Variants in DLG2 observed in about 807,000 individuals in gnomAD.
DLG2 encodes discs large MAGUK scaffold protein 2, also known as disks large homolog 2.
A neutral mutation model predicts 132.5 loss-of-function variants in DLG2; 45 were observed. That is an observed-to-expected ratio of 0.34 (90% CI 0.27 to 0.44). The LOEUF is 0.44. Ranked by LOEUF, DLG2 falls within the 20% of genes least tolerant of loss-of-function variation. The pLI is 1.00. For synonymous variants in DLG2, 424 were observed against 419.6 expected, an observed-to-expected ratio of 1.01 and a Z score of -0.13; for missense variants, 1,045 against 1,196.9, an observed-to-expected ratio of 0.87 and a Z score of 1.87.
At chr11:83,718,404 G>C (rs2087321928) in intron 18 of DLG2, among the ~76,000 whole-genome samples, 1 of 151,864 alleles carries the variant, frequency 6.6e-6, no homozygotes, top group Non-Finnish European at 1.5e-5. Context: ...CGGGCATGAT[G>C]GTCCAGCTAC....
intron 3 of DLG2, among the ~76,000 whole-genome samples, chr11:85,501,772 G>T (rs1269193717): frequency 6.6e-6 from 1 of 152,164 alleles, no homozygotes; most frequent in Non-Finnish European, 1.5e-5. Flanking sequence ...GGAAACAACA[G>T]ATGCTGGAGA....
intron 11 of DLG2, among the ~76,000 whole-genome samples, chr11:83,984,864 C>A (rs118146707): frequency 0.021 from 3,165 of 152,104 alleles, 40 homozygotes; most frequent in Non-Finnish European, 0.033. Flanking sequence ...TTAGTTATTT[C>A]GAAATACACA....
chr11:83,980,793 TC>T (rs2154174114), intron 11 of DLG2, 151 bp from the exon 12 acceptor site: 1 of 795,046 alleles, frequency 1.3e-6, no homozygotes, highest in African/African-American at 1.8e-5. Context: ...TATTTCAATC[TC>T]GTTATTTAAA....
intron 6 of DLG2, among the ~76,000 whole-genome samples, chr11:84,965,623 C>G (rs1439520389): frequency 1.3e-5 from 2 of 152,020 alleles, no homozygotes; most frequent in Non-Finnish European, 2.9e-5. Context: ...AGCAACAAAA[C>G]CTTAAAAGGA....
chr11:85,158,936 A>C (rs1433699125), intron 4 of DLG2, among the ~76,000 whole-genome samples: 1 of 152,184 alleles, frequency 6.6e-6, no homozygotes, highest in Admixed American at 6.5e-5. Context: ...CCCTCAATCA[A>C]TTTCCACACT....
At position 84,423,297 on chromosome 11, in the gene DLG2, C is replaced by T. The variant is rs191584893; in HGVS notation, c.519+111273G>A. ...TTTATCGCAATAAAAATAATACATT[C>T]AGGTTTGATAACTAAATGATATTTT... On this transcript the variant is annotated intron_variant, in intron 7 of 27. Transcript: ENST00000376104. Among the ~76,000 whole-genome samples the T allele has an allele frequency of 1.2e-4, 19 of 152,118 alleles. No homozygotes were observed. In the East Asian group the frequency reaches 2.7e-3, roughly 22 times the overall value.
chr11:84,364,683 C>T (rs1421121465), intron 7 of DLG2, among the ~76,000 whole-genome samples: 5 of 152,030 alleles, frequency 3.3e-5, no homozygotes, highest in Admixed American at 3.3e-4. Flanking sequence ...GAGATACGTC[C>T]CATCAATACC....
intron 7 of DLG2, among the ~76,000 whole-genome samples, chr11:84,326,091 C>T (rs72959544): frequency 0.042 from 6,354 of 152,000 alleles, 150 homozygotes; most frequent in Non-Finnish European, 0.066. Context: ...AACATAACTT[C>T]TTTCATTTTA....
At chr11:85,180,560 C>T (rs1595133151) in intron 4 of DLG2, among the ~76,000 whole-genome samples, 2 of 151,920 alleles carry the variant, frequency 1.3e-5, no homozygotes, top group South Asian at 4.1e-4. Flanking sequence ...TAACAAGCTG[C>T]CCTTTTGTGT....
intron 4 of DLG2, among the ~76,000 whole-genome samples, chr11:85,196,043 T>A (rs1196411075): frequency 6.6e-6 from 1 of 152,182 alleles, no homozygotes; most frequent in Non-Finnish European, 1.5e-5. Flanking sequence ...GAATGAGAAT[T>A]TTCACACTAA....
At position 83,585,310 on chromosome 11, in the gene DLG2, CAGTA is replaced by C. The variant is rs1430189301; in HGVS notation, c.1941-43456_1941-43453del. On this transcript the variant is annotated intron_variant, in intron 19 of 27. Coordinates refer to ENST00000376104, the MANE Select transcript of DLG2 (RefSeq NM_001142699.3). ...CATTGATCTGGGCATAACTAACAACCAGTAACCAAGGCCAGGGAATGTACCATAC... is the reference window on the plus strand; with the variant it reads ...CATTGATCTGGGCATAACTAACAACCACCAAGGCCAGGGAATGTACCATAC... Among the ~76,000 whole-genome samples the C allele has an allele frequency of 4.6e-5, 7 of 152,250 alleles. No homozygotes were observed. The South Asian group carries it at 1.5e-3, about 32-fold the overall frequency.
intron 6 of DLG2, among the ~76,000 whole-genome samples, chr11:84,782,172 T>C (rs1474915580): frequency 6.6e-6 from 1 of 151,950 alleles, no homozygotes; most frequent in African/African-American, 2.4e-5. Context: ...TATAAAGACA[T>C]GTAAACTTCC....
chr11:84,890,592 A>C (rs2089202630), intron 6 of DLG2, among the ~76,000 whole-genome samples: 1 of 152,102 alleles, frequency 6.6e-6, no homozygotes, highest in South Asian at 2.1e-4. Flanking sequence ...AAGACATGTC[A>C]TTATGGTTTT....
intron 7 of DLG2, among the ~76,000 whole-genome samples, chr11:84,273,517 C>G (rs952260327): frequency 6.6e-6 from 1 of 152,068 alleles, no homozygotes; most frequent in Admixed American, 6.6e-5. Context: ...CCCATCAGTG[C>G]TCTCCTGTCT....
chr11:84,671,716 C>T (rs2099706080), intron 6 of DLG2, among the ~76,000 whole-genome samples: 1 of 152,126 alleles, frequency 6.6e-6, no homozygotes, highest in Admixed American at 6.5e-5. Flanking sequence ...GCAAGTTTCG[C>T]CACTTTTAAT....
intron 10 of DLG2, among the ~76,000 whole-genome samples, chr11:84,063,821 G>T (rs1244644239): frequency 2.0e-5 from 3 of 152,130 alleles, no homozygotes; most frequent in Admixed American, 6.6e-5. Flanking sequence ...TAGGGACATG[G>T]ATGAAGCTGG....
At chr11:83,575,794 C>T (rs1188328043) in intron 19 of DLG2, among the ~76,000 whole-genome samples, 2 of 152,120 alleles carry the variant, frequency 1.3e-5, no homozygotes, top group Admixed American at 1.3e-4. Flanking sequence ...TTGAAAAGAT[C>T]AGTTCCATGA....
intron 6 of DLG2, among the ~76,000 whole-genome samples, chr11:84,916,843 C>T (rs751612465): frequency 5.3e-5 from 8 of 152,184 alleles, no homozygotes; most frequent in Non-Finnish European, 1.2e-4. Context: ...CCTAAAATGC[C>T]AGGCAGGCTT....
intron 19 of DLG2, among the ~76,000 whole-genome samples, chr11:83,623,737 A>G (rs10501544): frequency 0.19 from 28,940 of 152,194 alleles, 2,904 homozygotes; most frequent in African/African-American, 0.19. Flanking sequence ...ACACTGTTCA[A>G]ACACTGAGAC....
Sources: allele counts gnomAD v4.1 joint callset (sites outside exome capture counted in the v4.1 genomes callset), GRCh38; gene constraint gnomAD v4.1.1; transcripts MANE v1.5; gene names NCBI Gene and HGNC (gene_info 2026-07-23, HGNC 2026-07-21).